Variants in PRRC2B observed in about 807,000 individuals in gnomAD.
PRRC2B encodes protein PRRC2B.
Under a neutral mutation model 242.3 loss-of-function variants are expected in PRRC2B, and 68 were observed. The observed-to-expected ratio is 0.28, with a 90% CI of 0.23 to 0.34. PRRC2B has a LOEUF of 0.34. Ranked by LOEUF, PRRC2B falls within the 10% of genes least tolerant of loss-of-function variation. The pLI, the probability that PRRC2B is intolerant of heterozygous loss-of-function variation, is 1.00. For missense variants in PRRC2B, 2,835 were observed against 2,954.8 expected, an observed-to-expected ratio of 0.96 and a Z score of 0.94; for synonymous variants, 1,228 against 1,173.6, an observed-to-expected ratio of 1.05 and a Z score of -0.95.
intron 29 of PRRC2B, among the ~76,000 whole-genome samples, 183 bp downstream of exon 29, chr9:131,491,763 G>A (rs1021316944): frequency 1.3e-5 from 2 of 152,204 alleles, no homozygotes; most frequent in African/African-American, 4.8e-5. Flanking sequence ...TGAACATGTC[G>A]AGGGCTGAGG....
intron 15 of PRRC2B, 67 bp from the exon 16 acceptor site, chr9:131,474,387 G>A (rs1057394905): frequency 1.5e-6 from 2 of 1,331,242 alleles, no homozygotes; most frequent in Non-Finnish European, 2.1e-6. Context: ...ACTAAGCTCT[G>A]TGTTCAGCAT....
intron 1 of PRRC2B, among the ~76,000 whole-genome samples, chr9:131,412,571 A>G (rs1042565821): frequency 6.6e-6 from 1 of 152,206 alleles, no homozygotes; most frequent in African/African-American, 2.4e-5. Flanking sequence ...GGCAGCTGCC[A>G]GCTCTCAGTG....
chr9:131,467,503 C>T, intron 12 of PRRC2B, 60 bp from the exon 13 acceptor site: 1 of 1,407,548 alleles, frequency 7.1e-7, no homozygotes, highest in Admixed American at 2.3e-5. Context: ...TTTGTAAACA[C>T]TTGGTTGGCT....
chr9:131,405,387 G>A (rs1837334531), intron 1 of PRRC2B, among the ~76,000 whole-genome samples: 1 of 152,090 alleles, frequency 6.6e-6, no homozygotes, highest in Non-Finnish European at 1.5e-5. Flanking sequence ...ATTCAGAGAC[G>A]GCCTCCATTT....
chr9:131,471,727 A>T (rs577610349), intron 14 of PRRC2B, among the ~76,000 whole-genome samples: 1 of 152,258 alleles, frequency 6.6e-6, no homozygotes, highest in East Asian at 1.9e-4. Context: ...TTGCTGACCA[A>T]CTCCTGACTT....
intron 1 of PRRC2B, among the ~76,000 whole-genome samples, chr9:131,413,823 C>T (rs1460952508): frequency 2.0e-5 from 3 of 152,116 alleles, no homozygotes; most frequent in African/African-American, 7.2e-5. Context: ...AGGCGCACAC[C>T]ACCACGCCCA....
At chr9:131,401,923 A>C (rs1837236979) in intron 1 of PRRC2B, among the ~76,000 whole-genome samples, 1 of 151,368 alleles carries the variant, frequency 6.6e-6, no homozygotes, top group African/African-American at 2.4e-5. Context: ...GACTTCCCAA[A>C]GTGCTGGGAT....
intron 1 of PRRC2B, among the ~76,000 whole-genome samples, chr9:131,428,994 C>T (rs1002073137): frequency 2.6e-5 from 4 of 152,224 alleles, no homozygotes; most frequent in South Asian, 2.1e-4. Context: ...CTCGCTCTGT[C>T]GCCTAGACGG....
chr9:131,410,108 A>G (rs1837467832), intron 1 of PRRC2B, among the ~76,000 whole-genome samples: 1 of 152,192 alleles, frequency 6.6e-6, no homozygotes, highest in African/African-American at 2.4e-5. Flanking sequence ...TGTTGAAATC[A>G]TCTTCTTCCC....
intron 1 of PRRC2B, among the ~76,000 whole-genome samples, chr9:131,415,595 C>G (rs1332937043): frequency 6.6e-6 from 1 of 152,014 alleles, no homozygotes. Flanking sequence ...CTGAAAAAGT[C>G]TTTTTCTGTC....
At chr9:131,488,404 CA>C (rs1944088327) in intron 28 of PRRC2B, among the ~76,000 whole-genome samples, 1 of 152,066 alleles carries the variant, frequency 6.6e-6, no homozygotes, top group African/African-American at 2.4e-5. Flanking sequence ...GCTGGGACTA[CA>C]AGTGTGTGCC....
intron 1 of PRRC2B, among the ~76,000 whole-genome samples, chr9:131,412,424 C>T (rs946685300): frequency 6.6e-6 from 1 of 152,172 alleles, no homozygotes; most frequent in African/African-American, 2.4e-5. Flanking sequence ...AGACTGAGCT[C>T]ATTTCCATAG....
intron 19 of PRRC2B, among the ~76,000 whole-genome samples, chr9:131,481,297 C>G (rs1943855506): frequency 1.1e-5 from 1 of 89,716 alleles, no homozygotes; most frequent in Non-Finnish European, 2.0e-5. Flanking sequence ...GGCGACAGAG[C>G]AAGACTCCGT....
At chr9:131,485,972 G>A (rs1944011988) in intron 25 of PRRC2B, 113 bp from the exon 26 acceptor site, 3 of 778,730 alleles carry the variant, frequency 3.9e-6, no homozygotes, top group South Asian at 2.9e-5. Flanking sequence ...ACACGCCCTC[G>A]TCCCCACTGA....
intron 11 of PRRC2B, among the ~76,000 whole-genome samples, chr9:131,462,640 C>T (rs1943272742): frequency 6.6e-6 from 1 of 151,326 alleles, no homozygotes; most frequent in Non-Finnish European, 1.5e-5. Flanking sequence ...AAGTTCTAGA[C>T]CAGCCTGACC....
rs780916492 is a variant in PRRC2B, at chr9:131,439,008, G to A, written c.416G>A (p.Gly139Asp). The A allele has an allele frequency of 1.2e-6, 2 of 1,613,480 alleles. No homozygotes were observed. ...ISQENTNSVP[G>D]GPKSWAQLNG... ...TTTCAGAATACAAATTCAGTGCCAG[G>A]TGGACCAAAGTCATGGGCACAGCTG... The change falls in exon 5 of 32, where the codon GGT becomes GAT. Residue 139 changes from glycine (G) to aspartate (D), a missense_variant. Transcript: ENST00000683519.
chr9:131,392,168 G>T (rs973548981), upstream of PRRC2B, among the ~76,000 whole-genome samples: 1 of 149,668 alleles, frequency 6.7e-6, no homozygotes. Flanking sequence ...GCATGATCTC[G>T]GCTCAGTGCA....
At chr9:131,435,328 T>C (rs1838318445) in intron 3 of PRRC2B, among the ~76,000 whole-genome samples, 1 of 150,188 alleles carries the variant, frequency 6.7e-6, no homozygotes, top group African/African-American at 2.5e-5. Context: ...AAAGTTCTTA[T>C]TGTAGGTCGG....
chr9:131,389,927 G>T (rs2991189), upstream of PRRC2B, among the ~76,000 whole-genome samples: 70,169 of 104,982 alleles, frequency 0.67, 23,644 homozygotes, highest in East Asian at 0.9. Flanking sequence ...TTTTTTTTTT[G>T]TTTTTTTTTT....
Sources: gnomAD v4.1 joint callset for allele counts (sites outside exome capture counted in the v4.1 genomes callset) on GRCh38, gnomAD v4.1.1 for gene constraint, MANE v1.5 for transcripts, NCBI Gene and HGNC (gene_info 2026-07-23, HGNC 2026-07-21) for gene names.